The following PTCHD4 variants were observed in gnomAD, a reference collection of about 807,000 sequenced individuals.
PTCHD4 encodes the protein patched domain containing 4.
In PTCHD4, 33 loss-of-function variants were observed where a neutral mutation model predicts 58.1. The ratio of observed to expected loss-of-function variants is 0.57; its 90% CI spans 0.43 to 0.76. The LOEUF is 0.76. Among genes scored for constraint, PTCHD4 ranks in the 30% least tolerant of loss-of-function variants. The probability of loss-of-function intolerance (pLI) is 0.00; values close to 1 mark genes in which losing one functional copy is unlikely to be tolerated. For synonymous variants in PTCHD4, 478 were observed against 409.6 expected (o/e 1.17, Z -2.02); for missense variants, 1,058 against 1,027.1 (o/e 1.03, Z -0.41).
intron 1 of PTCHD4, among the ~76,000 whole-genome samples, chr6:48,085,974 C>A (rs1478128316): frequency 6.6e-6 from 1 of 151,728 alleles, no homozygotes; most frequent in African/African-American, 2.4e-5. Flanking sequence ...TATAAGACTG[C>A]AACGTTCAGA....
chr6:47,976,766 T>C lies in PTCHD4; in HGVS notation c.898+31868A>G, dbSNP rs907424133. 5.3e-5 allele frequency among the ~76,000 whole-genome samples: 8 copies of C among 151,790 alleles called. No homozygotes were observed. In the East Asian group the frequency reaches 1.5e-3, roughly 29 times the overall value. ...AAAAATGGGAAAGAATATAAATAGATAATTTACAGAAGAAAAATTTATATT... is the reference window on the plus strand; with the variant it reads ...AAAAATGGGAAAGAATATAAATAGACAATTTACAGAAGAAAAATTTATATT... On this transcript the variant is annotated intron_variant, in intron 4 of 4. Coordinates refer to ENST00000339488, the MANE Select transcript of PTCHD4 (RefSeq NM_001384253.1).
At chr6:48,011,849 T>C (rs896699327) in intron 3 of PTCHD4, among the ~76,000 whole-genome samples, 5 of 152,222 alleles carry the variant, frequency 3.3e-5, no homozygotes, top group Non-Finnish European at 7.3e-5. Context: ...CCATTGCTTG[T>C]TTTTGTCAGG....
At chr6:48,097,575 T>G (rs1242477388) in intron 1 of PTCHD4, among the ~76,000 whole-genome samples, 2 of 152,206 alleles carry the variant, frequency 1.3e-5, no homozygotes. Context: ...AACCTGCCTC[T>G]ATAAAGTTCA....
At chr6:48,045,734 A>G (rs536054704) in intron 3 of PTCHD4, among the ~76,000 whole-genome samples, 1 of 151,828 alleles carries the variant, frequency 6.6e-6, no homozygotes, top group Non-Finnish European at 1.5e-5. Context: ...TAACAAGGCC[A>G]GGATGCAATT....
chr6:48,007,935 C>CGT lies in PTCHD4; in HGVS notation c.898+698_898+699insAC, dbSNP rs1363471287. On this transcript the variant is annotated intron_variant, in intron 4 of 4. Coordinates refer to ENST00000339488, the MANE Select transcript of PTCHD4 (RefSeq NM_001384253.1). ...CTCTTTGAAAGAATATGTGCGCGCG[C>CGT]GCACACACACACACACACACACACA... is the stretch of plus-strand genomic sequence containing the variant. Among the ~76,000 whole-genome samples, 3 of 26,980 alleles carry CGT rather than the reference C, an allele frequency of 1.1e-4. No homozygotes were observed. The Admixed American group carries it at 1.3e-3, about 11-fold the overall frequency. 17.7% of individuals were successfully genotyped at this position (26,980 alleles called of 152,430 possible).
chr6:48,030,215 C>T (rs111255294), intron 3 of PTCHD4, among the ~76,000 whole-genome samples: 122 of 152,172 alleles, frequency 8.0e-4, no homozygotes, highest in African/African-American at 2.6e-3. Context: ...TGAGACAAGA[C>T]ATATTTTGCA....
chr6:48,019,114 G>A (rs889344259), intron 3 of PTCHD4, among the ~76,000 whole-genome samples: 5 of 152,144 alleles, frequency 3.3e-5, no homozygotes, highest in Non-Finnish European at 7.3e-5. Context: ...AGAAAGTTAC[G>A]GAAGATGAGA....
chr6:47,886,088 G>C (rs1278017811), intron 4 of PTCHD4, among the ~76,000 whole-genome samples: 2 of 149,580 alleles, frequency 1.3e-5, no homozygotes, highest in Non-Finnish European at 3.0e-5. Context: ...AAAGTGCTGG[G>C]ATTATAGGCG....
intron 1 of PTCHD4, among the ~76,000 whole-genome samples, chr6:48,085,991 T>C (rs1326427576): frequency 1.3e-5 from 2 of 152,144 alleles, no homozygotes; most frequent in African/African-American, 4.8e-5. Flanking sequence ...CAGAGTCTAA[T>C]ATTTTTTGGT....
chr6:48,103,069 C>A (rs529549223), intron 1 of PTCHD4, among the ~76,000 whole-genome samples: 30 of 152,336 alleles, frequency 2.0e-4, no homozygotes, highest in African/African-American at 6.3e-4. Flanking sequence ...CCTCTGCAGT[C>A]TTAAATGTCC....
In PTCHD4 at chr6:47,868,165, G is replaced by A. The variant is rs1763620751; in HGVS notation, c.*10138C>T. 1.3e-5 allele frequency among the ~76,000 whole-genome samples: 2 copies of A among 151,404 alleles called. No individual in the cohort carries two copies. Among genetic ancestry groups the A allele is most frequent in the Admixed American group, 1.3e-4 (2 of 15,164 alleles). On this transcript the variant is annotated 3_prime_UTR_variant, in exon 5 of 5. Coordinates refer to ENST00000339488, the MANE Select transcript of PTCHD4 (RefSeq NM_001384253.1). ...TCCCTTCTTCAACAGTTTTAGATCC[G>A]TTTTAAAATTTTTTCTCACTTTACC...
At chr6:48,054,556 T>C (rs1764343685) in intron 3 of PTCHD4, among the ~76,000 whole-genome samples, 1 of 152,150 alleles carries the variant, frequency 6.6e-6, no homozygotes, top group Admixed American at 6.5e-5. Flanking sequence ...TTTTACTTTC[T>C]TCCTTATGTC....
intron 4 of PTCHD4, among the ~76,000 whole-genome samples, chr6:47,904,425 G>A (rs1302391272): frequency 2.0e-5 from 3 of 152,182 alleles, no homozygotes; most frequent in African/African-American, 7.2e-5. Context: ...TATTGCCTAT[G>A]GCTGCTTTCC....
chr6:47,942,046 A>G (rs1766249468), intron 4 of PTCHD4, among the ~76,000 whole-genome samples: 1 of 152,192 alleles, frequency 6.6e-6, no homozygotes, highest in Non-Finnish European at 1.5e-5. Flanking sequence ...CAGTGCAGGA[A>G]GCTCCCAAGC....
At chr6:47,898,383 C>A (rs1764591454) in intron 4 of PTCHD4, among the ~76,000 whole-genome samples, 1 of 152,166 alleles carries the variant, frequency 6.6e-6, no homozygotes, top group Non-Finnish European at 1.5e-5. Flanking sequence ...ATAAAAAGCA[C>A]CACTTCCATT....
At chr6:47,963,959 G>A (rs1318124345) in intron 4 of PTCHD4, among the ~76,000 whole-genome samples, 1 of 152,152 alleles carries the variant, frequency 6.6e-6, no homozygotes, top group Non-Finnish European at 1.5e-5. Flanking sequence ...ACTGTAATAG[G>A]ATTAAACCAC....
intron 3 of PTCHD4, among the ~76,000 whole-genome samples, chr6:48,014,363 G>T (rs1223336381): frequency 1.3e-5 from 2 of 152,210 alleles, no homozygotes; most frequent in African/African-American, 4.8e-5. Context: ...TTCTATGTAG[G>T]AAAGACAAAG....
At chr6:47,946,055 T>C (rs1766405895) in intron 4 of PTCHD4, among the ~76,000 whole-genome samples, 1 of 152,048 alleles carries the variant, frequency 6.6e-6, no homozygotes, top group South Asian at 2.1e-4. Context: ...AACAATAGCA[T>C]TGATGTTAGA....
Position 48,031,931 on chromosome 6 carries a change from A to G in PTCHD4, c.418-22817T>C, listed in dbSNP as rs192120091. 3.9e-3 allele frequency among the ~76,000 whole-genome samples: 596 copies of G among 152,268 alleles called. 2 individuals carry two copies. Among genetic ancestry groups the G allele is most frequent in the Non-Finnish European group, 5.8e-3 (394 of 68,008 alleles). Reference sequence around the variant, plus strand: ...TCGGAATATGTTTTCGATGCCTAAAACACTGAATTCCCTCCAGTCAAGTTG... The same window carrying G: ...TCGGAATATGTTTTCGATGCCTAAAGCACTGAATTCCCTCCAGTCAAGTTG... On this transcript the variant is annotated intron_variant, in intron 3 of 4. Coordinates refer to ENST00000339488, the MANE Select transcript of PTCHD4 (RefSeq NM_001384253.1).
Sources: allele counts gnomAD v4.1 joint callset (sites outside exome capture counted in the v4.1 genomes callset), GRCh38; gene constraint gnomAD v4.1.1; transcripts MANE v1.5; gene names NCBI Gene and HGNC (gene_info 2026-07-23, HGNC 2026-07-21).